CREB3L2: variants seen among roughly 807,000 people sequenced by gnomAD.
The protein encoded by CREB3L2 is cyclic AMP-responsive element-binding protein 3-like protein 2.
Under a neutral mutation model 57.2 loss-of-function variants are expected in CREB3L2, and 23 were observed. That is an observed-to-expected ratio of 0.40 (90% CI 0.29 to 0.57). CREB3L2 has a LOEUF of 0.57. Among genes scored for constraint, CREB3L2 ranks in the 20% least tolerant of loss-of-function variants. The probability of loss-of-function intolerance (pLI) is 0.42; values close to 1 mark genes in which losing one functional copy is unlikely to be tolerated. For synonymous variants in CREB3L2, 268 were observed against 265.1 expected, an observed-to-expected ratio of 1.01 and a Z score of -0.11; for missense variants, 628 against 634.7, an observed-to-expected ratio of 0.99 and a Z score of 0.11.
At chr7:137,882,306 G>A in intron 11 of CREB3L2, 106 bp downstream of exon 11, 1 of 789,322 alleles carries the variant, frequency 1.3e-6, no homozygotes, top group South Asian at 1.8e-5. Flanking sequence ...AGAGCTGAGG[G>A]ACTGAACCAG....
chr7:137,881,655 G>A (rs897367508), intron 11 of CREB3L2, among the ~76,000 whole-genome samples: 5 of 152,180 alleles, frequency 3.3e-5, no homozygotes, highest in African/African-American at 1.2e-4. Context: ...ACATCGGAAC[G>A]GCCTCATTTC....
rs59967148 is a variant in CREB3L2, at chr7:138,001,082, AACACACACACACACACACAC to A, written c.102+502_102+521del. 4.4e-5 allele frequency among the ~76,000 whole-genome samples: 6 copies of A among 136,710 alleles called. No individual in the cohort carries two copies. Among genetic ancestry groups the A allele is most frequent in the Non-Finnish European group, 7.9e-5 (5 of 63,152 alleles). The allele number at this position is 136,710 out of a possible 152,430, so 89.7% of individuals were successfully genotyped here. On this transcript the variant is annotated intron_variant, in intron 1 of 11. Coordinates refer to ENST00000330387, the MANE Select transcript of CREB3L2 (RefSeq NM_194071.4). The surrounding 1 kb of genome is among the most constrained non-coding windows in gnomAD (Gnocchi z 4.2). ...CTCCCTAACGTAGAGGAGCCCTTTC[AACACACACACACACACACAC>A]ACACACACACACACACACACACACG...
chr7:137,879,168 TAA>T lies in CREB3L2; in HGVS notation c.*1306_*1307del. 2 of 445,984 alleles carry T rather than the reference TAA, an allele frequency of 4.5e-6. No individual in the cohort carries two copies. Among genetic ancestry groups the T allele is most frequent in the South Asian group, 2.0e-5 (1 of 50,682 alleles). The allele number at this position is 445,984 out of a possible 1,614,324, so 27.6% of individuals were successfully genotyped here. A position where few individuals can be genotyped will look rare whatever the true frequency, so the allele number is the denominator to read the frequency against. ...AAACTACAAAAGTTACTTTTAACCA[TAA>T]AAAAAAAACAAAAAAACTAAAAGTA... On this transcript the variant is annotated 3_prime_UTR_variant, in exon 12 of 12. Coordinates refer to ENST00000330387, the MANE Select transcript of CREB3L2 (RefSeq NM_194071.4).
chr7:137,944,478 C>T (rs1177572648), intron 1 of CREB3L2, among the ~76,000 whole-genome samples: 1 of 152,180 alleles, frequency 6.6e-6, no homozygotes, highest in Non-Finnish European at 1.5e-5. Context: ...ACAAGTTTTG[C>T]CTTTGCAAGC....
intron 1 of CREB3L2, among the ~76,000 whole-genome samples, chr7:137,949,402 T>C (rs1428277751): frequency 6.6e-6 from 1 of 152,244 alleles, no homozygotes; most frequent in African/African-American, 2.4e-5. Context: ...CTCATTTTAA[T>C]TGCAAAATTA....
intron 1 of CREB3L2, among the ~76,000 whole-genome samples, chr7:137,987,801 G>A (rs1482693302): frequency 2.0e-5 from 3 of 152,014 alleles, no homozygotes; most frequent in African/African-American, 2.4e-5. Context: ...CTCCCACCCC[G>A]GCCTCCTGCA....
chr7:137,891,830 C>T (rs273932), intron 8 of CREB3L2, among the ~76,000 whole-genome samples: 90,874 of 151,958 alleles, frequency 0.6, 28,793 homozygotes, highest in Admixed American at 0.71. Flanking sequence ...CCGCCCACCT[C>T]GGCCTCCCAA....
chr7:137,930,850 T>G (rs750600229), intron 1 of CREB3L2, among the ~76,000 whole-genome samples: 2 of 151,978 alleles, frequency 1.3e-5, no homozygotes, highest in Non-Finnish European at 2.9e-5. Context: ...AAGTTTGGGT[T>G]AGTCATTTCA....
rs564670456 is a variant in CREB3L2, at chr7:137,972,736, TAGAGAGAGAGAGAGAGAGAGAGAGAG to T, written c.102+28842_102+28867del. 3.4e-3 allele frequency among the ~76,000 whole-genome samples: 76 copies of T among 22,350 alleles called. 7 individuals are homozygous for T. The highest frequency in any genetic ancestry group is 6.3e-3 in the South Asian group (2 of 318). 14.7% of individuals were successfully genotyped at this position (22,350 alleles called of 152,430 possible). A position where few individuals can be genotyped will look rare whatever the true frequency, so the allele number is the denominator to read the frequency against. ...AAATATATATATATATATATATATATAGAGAGAGAGAGAGAGAGAGAGAGAGAGAGAGAGAAAAGAAAAAGAAAAAC... is the reference window on the plus strand; with the variant it reads ...AAATATATATATATATATATATATATAGAGAGAGAAAAGAAAAAGAAAAAC... On this transcript the variant is annotated intron_variant, in intron 1 of 11. Coordinates refer to ENST00000330387, the MANE Select transcript of CREB3L2 (RefSeq NM_194071.4).
At chr7:137,994,945 C>G (rs958662586) in intron 1 of CREB3L2, among the ~76,000 whole-genome samples, 2 of 152,214 alleles carry the variant, frequency 1.3e-5, no homozygotes, top group African/African-American at 4.8e-5. Context: ...TTAACTCAGA[C>G]TATTTTACTA....
At chr7:137,987,906 T>C (rs1801819325) in intron 1 of CREB3L2, among the ~76,000 whole-genome samples, 1 of 152,220 alleles carries the variant, frequency 6.6e-6, no homozygotes, top group African/African-American at 2.4e-5. Context: ...GACATTTTCT[T>C]ACTGACATAA....
At chr7:137,919,338 A>G (rs1435084816) in intron 2 of CREB3L2, among the ~76,000 whole-genome samples, 1 of 152,040 alleles carries the variant, frequency 6.6e-6, no homozygotes, top group Non-Finnish European at 1.5e-5. Flanking sequence ...AACCTGGCTA[A>G]GTTTTGTATT....
chr7:137,970,479 T>G (rs1361727707), intron 1 of CREB3L2, among the ~76,000 whole-genome samples: 5 of 152,112 alleles, frequency 3.3e-5, no homozygotes, highest in Non-Finnish European at 7.3e-5. Flanking sequence ...ATAAAGTTCC[T>G]TATAAACTAA....
chr7:137,978,941 G>A (rs1041416363), intron 1 of CREB3L2, among the ~76,000 whole-genome samples: 11 of 152,226 alleles, frequency 7.2e-5, no homozygotes, highest in Admixed American at 3.9e-4. Context: ...GTGGGATGAG[G>A]CGAAGGTCTG....
intron 1 of CREB3L2, chr7:137,953,334 A>G: frequency 2.1e-6 from 1 of 475,408 alleles, no homozygotes; most frequent in East Asian, 7.0e-5. Context: ...GCTACTCCAC[A>G]TAACACATTC....
intron 1 of CREB3L2, among the ~76,000 whole-genome samples, chr7:137,967,551 C>G (rs933722030): frequency 1.3e-5 from 2 of 152,162 alleles, no homozygotes; most frequent in Admixed American, 1.3e-4. Context: ...AATGCTAACC[C>G]AAAACAAGAG....
chr7:137,982,545 T>C (rs1269729367), intron 1 of CREB3L2, among the ~76,000 whole-genome samples: 1 of 152,166 alleles, frequency 6.6e-6, no homozygotes, highest in Non-Finnish European at 1.5e-5. Flanking sequence ...TGATAGTGAA[T>C]AAGTCTCACA....
chr7:137,992,134 G>A (rs2117329447), intron 1 of CREB3L2, among the ~76,000 whole-genome samples: 1 of 152,136 alleles, frequency 6.6e-6, no homozygotes. Flanking sequence ...TCAACATGAG[G>A]TAACTGTAGC....
At chr7:137,894,698 G>A (rs1799589444) in intron 8 of CREB3L2, among the ~76,000 whole-genome samples, 1 of 152,182 alleles carries the variant, frequency 6.6e-6, no homozygotes, top group Non-Finnish European at 1.5e-5. Flanking sequence ...CCTTGGTCCT[G>A]CCAACTACAC....
Sources: gnomAD v4.1 joint callset for allele counts (sites outside exome capture counted in the v4.1 genomes callset) on GRCh38, gnomAD v4.1.1 for gene constraint, Gnocchi (gnomAD v3.1) non-coding constraint, MANE v1.5 for transcripts, NCBI Gene and HGNC (gene_info 2026-07-23, HGNC 2026-07-21) for gene names.